Variants in CDC73 observed in about 807,000 individuals in gnomAD.
CDC73 encodes cell division cycle 73.
CDC73 carries 21 observed loss-of-function variants against 83.7 expected under a neutral mutation model. The ratio of observed to expected loss-of-function variants is 0.25; its 90% CI spans 0.18 to 0.36. The LOEUF is 0.36. Among genes scored for constraint, CDC73 ranks in the 10% least tolerant of loss-of-function variants. The pLI, the probability that CDC73 is intolerant of heterozygous loss-of-function variation, is 1.00. For synonymous variants in CDC73, 224 were observed against 212.9 expected, an observed-to-expected ratio of 1.05 and a Z score of -0.45; for missense variants, 342 against 653.3, an observed-to-expected ratio of 0.52 and a Z score of 5.19.
chr1:193,229,241 G>A (rs973247973), intron 13 of CDC73, among the ~76,000 whole-genome samples: 2 of 152,152 alleles, frequency 1.3e-5, no homozygotes, highest in African/African-American at 4.8e-5. Flanking sequence ...GAAAGCATGT[G>A]TTCACAAAAA....
chr1:193,223,302 T>A (rs1677505717), intron 13 of CDC73, among the ~76,000 whole-genome samples: 1 of 152,184 alleles, frequency 6.6e-6, no homozygotes, highest in South Asian at 2.1e-4. Flanking sequence ...CTGTAGAAAT[T>A]CTTTGATCTC....
chr1:193,222,313 A>G (rs150953121), intron 13 of CDC73, among the ~76,000 whole-genome samples: 1 of 152,288 alleles, frequency 6.6e-6, no homozygotes, highest in Non-Finnish European at 1.5e-5. Flanking sequence ...GCCAAATACT[A>G]TTCAGCACAT....
At position 193,135,418 on chromosome 1, in the gene CDC73, C is replaced by T; in HGVS notation, c.335C>T (p.Ala112Val). The stretch of plus-strand genomic sequence containing the variant: ...ACATCGGCAAGTATAGACAGAAGCG[C>T]TCCCTTAGAAATAGGTCTTCAGCGA... ...ASTSASIDRS[A>V]PLEIGLQRST... is the part of the protein sequence containing the mutation. Residue 112 changes from alanine to valine, a missense_variant, in exon 4 of 17, where the codon GCT becomes GTT. Physicochemically the swap from Ala to Val is moderately conservative, Grantham distance 64. This residue lies in a region of CDC73 where 99 missense variants were observed against 174.5 expected (regional missense o/e 0.57). Coordinates refer to ENST00000367435, the MANE Select transcript of CDC73 (RefSeq NM_024529.5). The T allele has an allele frequency of 6.2e-7, 1 of 1,613,828 alleles. No individual in the cohort carries two copies. Among genetic ancestry groups the T allele is most frequent in the Non-Finnish European group, 8.5e-7 (1 of 1,179,800 alleles).
intron 13 of CDC73, among the ~76,000 whole-genome samples, chr1:193,225,048 C>T (rs144212768): frequency 4.1e-4 from 63 of 151,862 alleles, no homozygotes; most frequent in East Asian, 3.3e-3. Context: ...ACAGTTTCCC[C>T]CTGCATCCCC....
At chr1:193,225,351 T>C (rs1324210145) in intron 13 of CDC73, among the ~76,000 whole-genome samples, 1 of 151,988 alleles carries the variant, frequency 6.6e-6, no homozygotes, top group African/African-American at 2.4e-5. Flanking sequence ...AATTGCGAAT[T>C]GTGCTGCTGT....
Position 193,215,633 on chromosome 1 carries a change from A to G in CDC73, c.1154+3156A>G, listed in dbSNP as rs531362488. The stretch of plus-strand genomic sequence containing the variant: ...GAGACAGGGTCTTTCTCTGTCACAC[A>G]GGCTGGAGTGCAGTGGTGTGATCTC... On this transcript the variant is annotated intron_variant, in intron 13 of 16. Transcript: ENST00000367435. 4.6e-5 allele frequency among the ~76,000 whole-genome samples: 7 copies of G among 151,614 alleles called. No homozygotes were observed. In the East Asian group the frequency reaches 7.8e-4, roughly 17 times the overall value.
intron 5 of CDC73, among the ~76,000 whole-genome samples, chr1:193,135,868 CTTT>C (rs1038256301): frequency 3.1e-5 from 4 of 127,164 alleles, no homozygotes; most frequent in Admixed American, 8.0e-5. Context: ...CCTTTCTGTT[CTTT>C]TTTTTTTTTT....
At chr1:193,206,626 C>T (rs958930142) in intron 11 of CDC73, among the ~76,000 whole-genome samples, 24 of 152,062 alleles carry the variant, frequency 1.6e-4, no homozygotes, top group Non-Finnish European at 3.2e-4. Context: ...AATGTGAATG[C>T]CCAAAATATA....
rs192230312 is a variant in CDC73 at position 193,206,936 on chromosome 1, G to T, written c.1030+3084G>T. On this transcript the variant is annotated intron_variant, in intron 11 of 16. Coordinates refer to ENST00000367435, the MANE Select transcript of CDC73 (RefSeq NM_024529.5). ...TCCAACCTCTCAAAATTCATTTAGG[G>T]AATATAACTAACAAGAGGCACATGT... Among the ~76,000 whole-genome samples, 6 of 152,226 alleles carry T rather than the reference G, an allele frequency of 3.9e-5. No individual in the cohort carries two copies. The East Asian group carries it at 1.2e-3, about 29-fold the overall frequency.
chr1:193,225,137 G>C (rs1677544140), intron 13 of CDC73, among the ~76,000 whole-genome samples: 1 of 151,238 alleles, frequency 6.6e-6, no homozygotes, highest in Non-Finnish European at 1.5e-5. Flanking sequence ...TTCGATGTTT[G>C]GTTTTCCATT....
intron 15 of CDC73, among the ~76,000 whole-genome samples, chr1:193,244,590 G>A (rs1032663877): frequency 6.6e-6 from 1 of 152,110 alleles, no homozygotes; most frequent in Admixed American, 6.5e-5. Context: ...CAAGTGTAAC[G>A]TTTTTTAACA....
In CDC73 at chr1:193,122,221, C is replaced by T. The variant is rs769522707; in HGVS notation, c.21C>T (p.Val7=). Residue 7 remains valine (V), a synonymous_variant, in exon 1 of 17, where the codon GTC becomes GTT. Transcript: ENST00000367435. The part of the protein sequence containing the change: MADVLS[V]LRQYNIQKKE... Reference sequence around the variant, plus strand: ...GGAAGATGGCGGACGTGCTTAGCGTCCTGCGACAGTACAACATCCAGAAGA... The same window carrying T: ...GGAAGATGGCGGACGTGCTTAGCGTTCTGCGACAGTACAACATCCAGAAGA... The T allele has an allele frequency of 1.6e-5, 26 of 1,614,048 alleles. No individual in the cohort carries two copies. Among genetic ancestry groups the T allele is most frequent in the Non-Finnish European group, 2.2e-5 (26 of 1,180,030 alleles).
At position 193,236,242 on chromosome 1, in the gene CDC73, T is replaced by C. The variant is rs755878008; in HGVS notation, c.1317-14T>C. The stretch of plus-strand genomic sequence containing the variant: ...CTGTCCCCTACCTCCCCCCACCCAC[T>C]TTTCTACTTGTAGGGACCGCGTTGT... On this transcript the variant is annotated splice_polypyrimidine_tract_variant and intron_variant, in intron 14 of 16. Transcript: ENST00000367435. The C allele has an allele frequency of 6.3e-7, 1 of 1,585,098 alleles. No homozygotes were observed. The highest frequency in any genetic ancestry group is 8.7e-7 in the Non-Finnish European group (1 of 1,153,528).
At chr1:193,236,486 G>T (rs1677760421) in intron 15 of CDC73, 130 bp downstream of exon 15, 3 of 691,370 alleles carry the variant, frequency 4.3e-6, no homozygotes, top group African/African-American at 1.8e-5. Flanking sequence ...ATATGTTAAT[G>T]TTTAAGCATC....
intron 15 of CDC73, among the ~76,000 whole-genome samples, chr1:193,248,033 A>G (rs1194612832): frequency 2.0e-5 from 3 of 152,148 alleles, no homozygotes; most frequent in African/African-American, 4.8e-5. Context: ...ACAGCCTGTT[A>G]TTGGAAGAAG....
intron 13 of CDC73, among the ~76,000 whole-genome samples, chr1:193,223,824 C>T (rs1211086909): frequency 2.6e-5 from 4 of 151,196 alleles, no homozygotes; most frequent in South Asian, 2.1e-4. Flanking sequence ...TTATACCTTG[C>T]GCTAGCTCAG....
intron 10 of CDC73, among the ~76,000 whole-genome samples, chr1:193,199,583 C>T (rs1289244830): frequency 2.6e-5 from 4 of 151,158 alleles, no homozygotes; most frequent in African/African-American, 9.7e-5. Context: ...ATTGATGGTG[C>T]GCACCTGTAG....
chr1:193,156,161 A>G (rs1676204066), intron 10 of CDC73, among the ~76,000 whole-genome samples: 3 of 152,216 alleles, frequency 2.0e-5, no homozygotes, highest in African/African-American at 7.2e-5. Flanking sequence ...GAACCAATTT[A>G]TGGTTCCACT....
At chr1:193,181,737 C>T in intron 10 of CDC73, 1 of 582,714 alleles carries the variant, frequency 1.7e-6, no homozygotes, top group Non-Finnish European at 2.9e-6. Flanking sequence ...ACTTTGGGTA[C>T]TAATATGATC....
Sources: allele counts gnomAD v4.1 joint callset (sites outside exome capture counted in the v4.1 genomes callset), GRCh38; gene constraint gnomAD v4.1.1; regional missense constraint gnomAD v4.1.1; transcripts MANE v1.5; gene names NCBI Gene and HGNC (gene_info 2026-07-23, HGNC 2026-07-21).